The following ADAMTS9 variants were observed in gnomAD, a reference collection of about 807,000 sequenced individuals.
ADAMTS9 encodes the protein ADAM metallopeptidase with thrombospondin type 1 motif 9.
ADAMTS9 carries 107 observed loss-of-function variants against 257.1 expected under a neutral mutation model. The observed-to-expected ratio is 0.42, with a 90% CI of 0.36 to 0.49. ADAMTS9 has a LOEUF of 0.49. ADAMTS9 is among the 20% of genes least tolerant of loss of function. The pLI, the probability that ADAMTS9 is intolerant of heterozygous loss-of-function variation, is 0.03. For synonymous variants in ADAMTS9, 982 were observed against 880.9 expected, an observed-to-expected ratio of 1.11 and a Z score of -2.03; for missense variants, 2,353 against 2,469.1, an observed-to-expected ratio of 0.95 and a Z score of 1.00.
At chr3:64,551,136 T>C in intron 30 of ADAMTS9, 74 bp from the exon 31 acceptor site, 6 of 1,499,770 alleles carry the variant, frequency 4.0e-6, no homozygotes, top group Non-Finnish European at 5.5e-6. Context: ...TGTGTTTACC[T>C]GTCTACATAG....
At chr3:64,559,370 A>C (rs371769061) in intron 30 of ADAMTS9, among the ~76,000 whole-genome samples, 1 of 152,148 alleles carries the variant, frequency 6.6e-6, no homozygotes, top group African/African-American at 2.4e-5. Context: ...TACCATAGGA[A>C]TATCATAGGA....
At chr3:64,556,119 T>C (rs916989806) in intron 30 of ADAMTS9, among the ~76,000 whole-genome samples, 23 of 152,176 alleles carry the variant, frequency 1.5e-4, no homozygotes, top group Non-Finnish European at 3.2e-4. Flanking sequence ...GAAATCATTC[T>C]ACAGCTGATC....
chr3:64,677,639 A>G (rs1701653388), intron 3 of ADAMTS9, among the ~76,000 whole-genome samples: 1 of 152,180 alleles, frequency 6.6e-6, no homozygotes, highest in South Asian at 2.1e-4. Flanking sequence ...AACACCTACC[A>G]TTCTGTGATT....
intron 37 of ADAMTS9, among the ~76,000 whole-genome samples, chr3:64,538,628 AGT>A (rs929158432): frequency 6.6e-6 from 1 of 152,142 alleles, no homozygotes; most frequent in African/African-American, 2.4e-5. Flanking sequence ...ATCCATGTAA[AGT>A]GTTTTTCTAT....
chr3:64,557,575 T>C (rs80125505), intron 30 of ADAMTS9, among the ~76,000 whole-genome samples: 3,640 of 152,202 alleles, frequency 0.024, 155 homozygotes, highest in African/African-American at 0.081. Flanking sequence ...TGAGTCAAAC[T>C]GCTGTCATCA....
intron 19 of ADAMTS9, among the ~76,000 whole-genome samples, chr3:64,618,796 T>A (rs886504092): frequency 6.6e-6 from 1 of 152,148 alleles, no homozygotes; most frequent in African/African-American, 2.4e-5. Flanking sequence ...CGTAAACCAA[T>A]GAGCGGAAAT....
intron 30 of ADAMTS9, 110 bp from the exon 31 acceptor site, chr3:64,551,172 G>T: frequency 8.0e-7 from 1 of 1,250,144 alleles, no homozygotes; most frequent in Non-Finnish European, 1.1e-6. Context: ...GAGCCCTGAG[G>T]GCAGGGATTG....
chr3:64,651,344 A>C (rs1700927101), intron 8 of ADAMTS9, among the ~76,000 whole-genome samples, 181 bp from the exon 9 acceptor site: 1 of 152,074 alleles, frequency 6.6e-6, no homozygotes, highest in African/African-American at 2.4e-5. Flanking sequence ...AGATTAAAAC[A>C]TAATTCTCAC....
intron 28 of ADAMTS9, chr3:64,587,813 C>T (rs1363300918): frequency 1.3e-5 from 2 of 152,096 alleles, no homozygotes; most frequent in Non-Finnish European, 2.9e-5. Flanking sequence ...TTAGAGAAAA[C>T]AACAGCAACA....
At chr3:64,533,392 G>A in intron 37 of ADAMTS9, 122 bp from the exon 38 acceptor site, 1 of 738,134 alleles carries the variant, frequency 1.4e-6, no homozygotes, top group South Asian at 1.7e-5. Context: ...AATTGTGATA[G>A]CTACTAATTA....
intron 31 of ADAMTS9, among the ~76,000 whole-genome samples, chr3:64,549,965 T>C (rs1248522075): frequency 1.4e-5 from 2 of 147,508 alleles, no homozygotes; most frequent in African/African-American, 2.7e-5. Flanking sequence ...CCTGTCAAAC[T>C]TTGAAGAGAC....
intron 3 of ADAMTS9, among the ~76,000 whole-genome samples, chr3:64,659,012 G>C (rs1431584054): frequency 6.6e-6 from 1 of 152,124 alleles, no homozygotes; most frequent in Non-Finnish European, 1.5e-5. Context: ...GCTCGCTTAC[G>C]GTATTAGAAA....
At chr3:64,522,483 G>T (rs2082865940) in intron 38 of ADAMTS9, 2 of 381,288 alleles carry the variant, frequency 5.2e-6, no homozygotes, top group African/African-American at 2.1e-5. Context: ...AGCTAAGGAT[G>T]ATTTTTATAT....
chr3:64,579,084 C>T (rs187483154), intron 28 of ADAMTS9, among the ~76,000 whole-genome samples: 14 of 152,266 alleles, frequency 9.2e-5, no homozygotes, highest in Non-Finnish European at 1.8e-4. Flanking sequence ...ACAAAAACTC[C>T]GTCCAATAGG....
At chr3:64,658,978 C>T (rs1464181448) in intron 3 of ADAMTS9, among the ~76,000 whole-genome samples, 187 bp from the exon 4 acceptor site, 2 of 152,232 alleles carry the variant, frequency 1.3e-5, no homozygotes, top group South Asian at 2.1e-4. Flanking sequence ...TTGAGATTAG[C>T]TTCCCTGGGA....
intron 21 of ADAMTS9, among the ~76,000 whole-genome samples, chr3:64,613,827 C>G (rs1440783252): frequency 2.0e-5 from 3 of 152,084 alleles, no homozygotes; most frequent in Non-Finnish European, 1.5e-5. Context: ...TCACATCAAC[C>G]TAAGTTTTAA....
intron 32 of ADAMTS9, among the ~76,000 whole-genome samples, chr3:64,543,690 C>G (rs2083156970): frequency 1.3e-5 from 2 of 152,186 alleles, no homozygotes. Context: ...TGGAAGCATT[C>G]CCTTTGAAAA....
intron 16 of ADAMTS9, among the ~76,000 whole-genome samples, chr3:64,623,006 A>C (rs536895996): frequency 6.6e-6 from 1 of 152,352 alleles, no homozygotes; most frequent in South Asian, 2.1e-4. Context: ...ATATACTAGA[A>C]TTAGTCAAGC....
At chr3:64,615,873 C>G (rs2084752484) in intron 20 of ADAMTS9, 87 bp downstream of exon 20, 1 of 1,502,066 alleles carries the variant, frequency 6.7e-7, no homozygotes, top group South Asian at 1.1e-5. Flanking sequence ...TCCGCACAGC[C>G]TAAATGGGGC....
Sources: gnomAD v4.1 joint callset for allele counts (sites outside exome capture counted in the v4.1 genomes callset) on GRCh38, gnomAD v4.1.1 for gene constraint, MANE v1.5 for transcripts, NCBI Gene and HGNC (gene_info 2026-07-23, HGNC 2026-07-21) for gene names.